The following ANKRD30BL variants were observed in gnomAD, a reference collection of about 807,000 sequenced individuals.
ANKRD30BL encodes putative ankyrin repeat domain-containing protein 30B-like.
In ANKRD30BL, 20 loss-of-function variants were observed where a neutral mutation model predicts 18.4. The observed-to-expected ratio is 1.09, with a 90% confidence interval of 0.77 to 1.58. ANKRD30BL has a LOEUF of 1.58. ANKRD30BL is among the 40% of genes most tolerant of loss of function. The pLI is 0.00. For missense variants in ANKRD30BL, 224 were observed against 268.6 expected (o/e 0.83, Z 1.16); for synonymous variants, 72 against 100.9 (o/e 0.71, Z 1.72).
chr2:132,248,053 C>T (rs1680549502), intron 1 of ANKRD30BL, among the ~76,000 whole-genome samples: 1 of 152,086 alleles, frequency 6.6e-6, no homozygotes, highest in Admixed American at 6.6e-5. Flanking sequence ...ATGGACATCA[C>T]ACAAAGAAGT....
At chr2:132,232,692 A>C (rs1168419758) in intron 1 of ANKRD30BL, among the ~76,000 whole-genome samples, 1 of 152,164 alleles carries the variant, frequency 6.6e-6, no homozygotes, top group African/African-American at 2.4e-5. Context: ...ATGTGAAAAG[A>C]CCAAATCTAC....
At chr2:132,179,648 T>C (rs1573819728) in intron 1 of ANKRD30BL, among the ~76,000 whole-genome samples, 1 of 152,120 alleles carries the variant, frequency 6.6e-6, no homozygotes, top group East Asian at 1.9e-4. Context: ...AACTGAACAG[T>C]AGAGCAATTT....
intron 1 of ANKRD30BL, among the ~76,000 whole-genome samples, chr2:132,226,057 G>C (rs1412119522): frequency 1.3e-5 from 2 of 152,062 alleles, no homozygotes; most frequent in African/African-American, 4.8e-5. Flanking sequence ...TATTTGTGAT[G>C]TCTGCATTCA....
chr2:132,246,654 A>C (rs145963189), intron 1 of ANKRD30BL, among the ~76,000 whole-genome samples: 1 of 150,804 alleles, frequency 6.6e-6, no homozygotes, highest in African/African-American at 2.4e-5. Context: ...AAAAACTAGA[A>C]AGAAACATTC....
At chr2:132,208,718 A>T (rs1207463660) in intron 1 of ANKRD30BL, among the ~76,000 whole-genome samples, 1 of 151,600 alleles carries the variant, frequency 6.6e-6, no homozygotes, top group Non-Finnish European at 1.5e-5. Flanking sequence ...CTACATCTGG[A>T]TTTTAAATGT....
At chr2:132,232,364 G>T (rs1680046876) in intron 1 of ANKRD30BL, among the ~76,000 whole-genome samples, 1 of 152,184 alleles carries the variant, frequency 6.6e-6, no homozygotes, top group South Asian at 2.1e-4. Context: ...AGAGAAGAAG[G>T]CTTCAGACGA....
intron 1 of ANKRD30BL, among the ~76,000 whole-genome samples, chr2:132,255,572 C>T (rs16849015): frequency 1.3e-5 from 2 of 152,134 alleles, no homozygotes; most frequent in African/African-American, 4.8e-5. Flanking sequence ...GGAATTACCA[C>T]GGCTGCTGGC....
chr2:132,221,199 G>GGA (rs1679667022), intron 1 of ANKRD30BL, among the ~76,000 whole-genome samples: 1 of 135,710 alleles, frequency 7.4e-6, no homozygotes, highest in African/African-American at 3.2e-5. Context: ...GTGGGGGGGG[G>GGA]TCAGCCCCCC....
intron 1 of ANKRD30BL, among the ~76,000 whole-genome samples, chr2:132,215,326 G>C (rs1042540046): frequency 6.6e-6 from 1 of 152,222 alleles, no homozygotes; most frequent in African/African-American, 2.4e-5. Context: ...GGAGCTCTTT[G>C]AGGCCTGAGG....
intron 1 of ANKRD30BL, among the ~76,000 whole-genome samples, chr2:132,178,649 G>A (rs1171402453): frequency 6.6e-6 from 1 of 151,776 alleles, no homozygotes; most frequent in African/African-American, 2.4e-5. Context: ...GAGCAGACAA[G>A]TGACAAAGTG....
rs532740069 is a variant in ANKRD30BL, at chr2:132,254,428, T to A, written n.441+3101A>T. ...TAGATAGTCAAGTTCGACTGTCTTC[T>A]CAGCGTTCCGCCAGGGCAGTGGGCT... On this transcript the variant is annotated intron_variant and non_coding_transcript_variant, in intron 1 of 4. Coordinates refer to the ANKRD30BL transcript ENST00000470729. Among the ~76,000 whole-genome samples the A allele has an allele frequency of 9.2e-5, 14 of 152,378 alleles. No individual in the cohort carries two copies. The East Asian group carries it at 2.7e-3, about 29-fold the overall frequency.
At chr2:132,234,514 G>A (rs1288127743) in intron 1 of ANKRD30BL, among the ~76,000 whole-genome samples, 20 of 152,022 alleles carry the variant, frequency 1.3e-4, no homozygotes, top group African/African-American at 2.4e-4. Context: ...TATCACCACC[G>A]ATCTCACAGA....
chr2:132,257,222 C>G (rs1680880159), intron 1 of ANKRD30BL: 1 of 395,970 alleles, frequency 2.5e-6, no homozygotes, highest in Non-Finnish European at 4.9e-6. Context: ...GGCATGCCCC[C>G]CACTTGGGAC....
Position 132,161,881 on chromosome 2 carries a change from AAACCGTTAGGCAGCTGAGCAG to A in ANKRD30BL, c.-197_-177del, listed in dbSNP as rs1184927916. 5.5e-5 allele frequency: 32 copies of A among 580,702 alleles called. No homozygotes were observed. The highest frequency in any genetic ancestry group is 7.7e-5 in the African/African-American group (4 of 51,716). 36.0% of individuals were successfully genotyped at this position (580,702 alleles called of 1,614,324 possible). On this transcript the variant is annotated 5_prime_UTR_variant, in exon 1 of 6. Transcript: ENST00000409867. ...TCTCCCGGGAGAAAATGGCTGCGCA[AAACCGTTAGGCAGCTGAGCAG>A]AACCGTTAGGCACCTGAGCAGAACC...
chr2:132,193,701 C>A (rs1678904869), intron 1 of ANKRD30BL, among the ~76,000 whole-genome samples: 2 of 152,086 alleles, frequency 1.3e-5, no homozygotes. Context: ...ATCTTTTATA[C>A]ATATTCTATC....
chr2:132,156,916 T>C, intron 3 of ANKRD30BL, 57 bp downstream of exon 3: 1 of 488,232 alleles, frequency 2.0e-6, no homozygotes, highest in East Asian at 3.3e-5. Flanking sequence ...TTACATATGT[T>C]AATGTTAAAA....
chr2:132,195,788 CA>C (rs1205804103), intron 1 of ANKRD30BL, among the ~76,000 whole-genome samples: 3,414 of 48,630 alleles, frequency 0.07, 21 homozygotes, highest in Non-Finnish European at 0.13. Context: ...GAGCCTCTGC[CA>C]AAAAAAAAAA....
intron 1 of ANKRD30BL, among the ~76,000 whole-genome samples, chr2:132,218,265 G>A (rs1428828917): frequency 1.3e-5 from 2 of 152,118 alleles, no homozygotes; most frequent in African/African-American, 4.8e-5. Context: ...CTGCTTTGAG[G>A]CCTTCTTTGG....
chr2:132,202,027 T>G (rs1335658828), intron 1 of ANKRD30BL, among the ~76,000 whole-genome samples: 6 of 152,026 alleles, frequency 3.9e-5, no homozygotes, highest in African/African-American at 1.5e-4. Context: ...TCATTCTCAG[T>G]AAACTATCGC....
Sources: allele counts gnomAD v4.1 joint callset (sites outside exome capture counted in the v4.1 genomes callset), GRCh38; gene constraint gnomAD v4.1.1; transcripts MANE v1.5; gene names NCBI Gene and HGNC (gene_info 2026-07-23, HGNC 2026-07-21).